DEK: variants seen among roughly 807,000 people sequenced by gnomAD.
The protein encoded by DEK is protein DEK.
Under a neutral mutation model 46.8 loss-of-function variants are expected in DEK, and 28 were observed. The observed-to-expected ratio is 0.60, with a 90% CI of 0.44 to 0.82. The LOEUF is 0.82. Ranked by LOEUF, DEK falls within the 40% of genes least tolerant of loss-of-function variation. The pLI is 0.00. For missense variants in DEK, 416 were observed against 430.6 expected, an observed-to-expected ratio of 0.97 and a Z score of 0.30; for synonymous variants, 160 against 144.5, an observed-to-expected ratio of 1.11 and a Z score of -0.77.
intron 4 of DEK, among the ~76,000 whole-genome samples, chr6:18,257,365 A>G (rs1379769278): frequency 1.3e-5 from 2 of 152,156 alleles, no homozygotes; most frequent in African/African-American, 4.8e-5. Context: ...TTTCATCACA[A>G]TTTGGATTTC....
intron 6 of DEK, among the ~76,000 whole-genome samples, chr6:18,254,935 G>A (rs1009705799): frequency 2.0e-5 from 3 of 152,092 alleles, no homozygotes; most frequent in Admixed American, 1.3e-4. Flanking sequence ...GGACGAAAAC[G>A]AAGTCCTAGA....
rs780326393 is a variant in DEK, at chr6:18,225,723, G to A, written c.1124C>T (p.Ser375Phe). The A allele has an allele frequency of 6.2e-7, 1 of 1,613,100 alleles. No individual in the cohort carries two copies. Among genetic ancestry groups the A allele is most frequent in the African/African-American group, 1.3e-5 (1 of 74,898 alleles). The change falls in exon 11 of 11, where the codon TCT (serine) becomes TTT (phenylalanine). Residue 375 changes from serine (S) to phenylalanine (F), a missense_variant. Coordinates refer to ENST00000652689, the MANE Select transcript of DEK (RefSeq NM_003472.4). ...FIKTTVKELI[S>F] Reference sequence around the variant, plus strand: ...TCATCTTCTCTGTCCTCTATCTCAAGAAATTAGCTGTAATGAAAGAGAAAC... The same window carrying A: ...TCATCTTCTCTGTCCTCTATCTCAAAAAATTAGCTGTAATGAAAGAGAAAC...
chr6:18,255,208 G>T (rs1249181247), intron 6 of DEK, among the ~76,000 whole-genome samples: 2 of 152,202 alleles, frequency 1.3e-5, no homozygotes, highest in Admixed American at 1.3e-4. Context: ...AAACTGTAAG[G>T]CCATTTTACT....
intron 8 of DEK, 186 bp downstream of exon 8, chr6:18,237,195 A>G (rs1299990608): frequency 1.4e-5 from 8 of 570,944 alleles, no homozygotes; most frequent in Non-Finnish European, 2.3e-5. Flanking sequence ...CTATATATAT[A>G]TATTGCAAAA....
chr6:18,235,413 T>C (rs1010562328), intron 9 of DEK, among the ~76,000 whole-genome samples: 3 of 152,236 alleles, frequency 2.0e-5, no homozygotes, highest in Non-Finnish European at 2.9e-5. Context: ...CTCAACTGTA[T>C]AGAATGGGTG....
chr6:18,226,105 T>C lies in DEK; in HGVS notation c.1116+69A>G, dbSNP rs567863922. 20 of 1,138,916 alleles carry C rather than the reference T, an allele frequency of 1.8e-5. No individual in the cohort carries two copies. The African/African-American group carries it at 2.9e-4, about 17-fold the overall frequency. 70.6% of individuals were successfully genotyped at this position (1,138,916 alleles called of 1,614,324 possible). A position where few individuals can be genotyped will look rare whatever the true frequency, so the allele number is the denominator to read the frequency against. On this transcript the variant is annotated intron_variant, in intron 10 of 10. Transcript: ENST00000652689. ...AGTGACATGAATATTTTGAAAAATA[T>C]GGAGTATTTTATGTAATTACTTTTG... is the stretch of plus-strand genomic sequence containing the variant.
At chr6:18,240,449 T>TGG (rs1790850211) in intron 7 of DEK, among the ~76,000 whole-genome samples, 4 of 152,362 alleles carry the variant, frequency 2.6e-5, no homozygotes, top group African/African-American at 9.6e-5. Context: ...AGTACATCTC[T>TGG]GGGCCCTTGT....
At chr6:18,252,509 C>CAAAAAAAAAAAAA (rs61626818) in intron 6 of DEK, among the ~76,000 whole-genome samples, 6 of 29,138 alleles carry the variant, frequency 2.1e-4, no homozygotes, top group African/African-American at 4.7e-4. Flanking sequence ...ACGCTGTCTC[C>CAAAAAAAAAAAAA]AAAAAAAAAA....
intron 2 of DEK, 23 bp downstream of exon 2, chr6:18,263,820 A>C: frequency 6.2e-7 from 1 of 1,611,156 alleles, no homozygotes; most frequent in Non-Finnish European, 8.5e-7. Context: ...AAAATTCATC[A>C]GTTGGGATGC....
At chr6:18,256,575 G>T in intron 4 of DEK, 120 bp from the exon 5 acceptor site, 1 of 698,848 alleles carries the variant, frequency 1.4e-6, no homozygotes, top group Non-Finnish European at 2.3e-6. Flanking sequence ...TTACAATACT[G>T]GCTGAACAGT....
intron 7 of DEK, among the ~76,000 whole-genome samples, chr6:18,238,668 G>GGA: frequency 6.8e-6 from 1 of 147,698 alleles, no homozygotes; most frequent in Middle Eastern, 3.5e-3. Context: ...CTGCACTCCA[G>GGA]GAGAGAGACT....
intron 7 of DEK, among the ~76,000 whole-genome samples, chr6:18,242,902 G>A (rs574729452): frequency 2.0e-5 from 3 of 152,136 alleles, no homozygotes; most frequent in Non-Finnish European, 2.9e-5. Context: ...ACTTTGTGCT[G>A]GCTCTGCTGT....
chr6:18,240,376 G>A (rs1342503534), intron 7 of DEK, among the ~76,000 whole-genome samples: 1 of 152,086 alleles, frequency 6.6e-6, no homozygotes, highest in African/African-American at 2.4e-5. Flanking sequence ...AAAAATATAC[G>A]ACATAATAGT....
chr6:18,256,375 T>A lies in DEK; in HGVS notation c.438A>T (p.Glu146Asp). The A allele has an allele frequency of 6.2e-7, 1 of 1,612,214 alleles. No homozygotes were observed. The highest frequency in any genetic ancestry group is 8.5e-7 in the Non-Finnish European group (1 of 1,179,066). The change falls in exon 5 of 11, where the codon GAA becomes GAT. Residue 146 changes from glutamate (E) to aspartate (D), a missense_variant. By Grantham distance (45) the Glu-to-Asp change is conservative (BLOSUM62 2). Transcript: ENST00000652689. ...EKGSVQYKKK[E>D]EMLKKFRNAM... ...AAATAACTTACTTTTTCAACATTTC[T>A]TCCTTCTTTTTATATTGGACACTTC...
rs754247995 is a variant in DEK, at chr6:18,263,990, T to A, written c.-3A>T. On this transcript the variant is annotated 5_prime_UTR_variant, in exon 2 of 11. Coordinates refer to ENST00000652689, the MANE Select transcript of DEK (RefSeq NM_003472.4). The stretch of plus-strand genomic sequence containing the variant: ...GCAGCAGGGGCCGAGGCGGACATGC[T>A]GTGAACCTGCATGCGGGAAGAAAGC... 6.2e-7 allele frequency: 1 copy of A among 1,601,144 alleles called. No individual in the cohort carries two copies. Among genetic ancestry groups the A allele is most frequent in the Non-Finnish European group, 8.5e-7 (1 of 1,174,520 alleles).
intron 9 of DEK, among the ~76,000 whole-genome samples, chr6:18,229,941 C>G (rs557018787): frequency 6.6e-6 from 1 of 152,064 alleles, no homozygotes; most frequent in African/African-American, 2.4e-5. Context: ...TTCACCAAAG[C>G]TGAAATGAAG....
chr6:18,259,945 A>T (rs1055815271), intron 2 of DEK, among the ~76,000 whole-genome samples: 1 of 152,228 alleles, frequency 6.6e-6, no homozygotes, highest in Admixed American at 6.5e-5. Flanking sequence ...AACTTCATCA[A>T]CTTAGTGATT....
At chr6:18,250,672 T>G (rs749398351) in intron 6 of DEK, among the ~76,000 whole-genome samples, 3 of 151,204 alleles carry the variant, frequency 2.0e-5, no homozygotes, top group African/African-American at 7.3e-5. Context: ...ATTTTTGTAT[T>G]TTTAGTAGAG....
rs778548124 is a variant in DEK, at chr6:18,257,967, T to C, written c.343A>G (p.Asn115Asp). 1.2e-6 allele frequency: 2 copies of C among 1,608,656 alleles called. No homozygotes were observed. Among genetic ancestry groups the C allele is most frequent in the Non-Finnish European group, 1.7e-6 (2 of 1,178,316 alleles). ...AAAGGTCTTACAGTGCCTGGCCTGTTGTAAAGCAGTTTGTGTAGATTTCTA... is the reference window on the plus strand; with the variant it reads ...AAAGGTCTTACAGTGCCTGGCCTGTCGTAAAGCAGTTTGTGTAGATTTCTA... The part of the protein sequence containing the change: ...ELRNLHKLLY[N>D]RPGTVSSLKK... The change falls in exon 4 of 11, where the codon AAC (asparagine) becomes GAC (aspartate). Residue 115 changes from asparagine to aspartate, a missense_variant. Asn to Asp is a conservative substitution (Grantham distance 23). Transcript: ENST00000652689.
Sources: allele counts gnomAD v4.1 joint callset (sites outside exome capture counted in the v4.1 genomes callset), GRCh38; gene constraint gnomAD v4.1.1; transcripts MANE v1.5; gene names NCBI Gene and HGNC (gene_info 2026-07-23, HGNC 2026-07-21).